The following CLCA4 variants were observed in gnomAD, a reference collection of about 807,000 sequenced individuals.
CLCA4 encodes calcium-activated chloride channel regulator 4.
In CLCA4, 69 loss-of-function variants were observed where a neutral mutation model predicts 78.9. The ratio of observed to expected loss-of-function variants is 0.87; its 90% CI spans 0.72 to 1.07. CLCA4 has a LOEUF of 1.07. CLCA4 is among the 50% of genes least tolerant of loss of function. CLCA4 has a pLI of 0.00. For missense variants in CLCA4, 1,133 were observed against 1,095.8 expected, an observed-to-expected ratio of 1.03 and a Z score of -0.48; for synonymous variants, 362 against 375.8, an observed-to-expected ratio of 0.96 and a Z score of 0.42.
chr1:86,552,090 C>A (rs1419288445), intron 1 of CLCA4, among the ~76,000 whole-genome samples: 1 of 151,962 alleles, frequency 6.6e-6, no homozygotes, highest in Non-Finnish European at 1.5e-5. Context: ...TGAAACACAC[C>A]AACTACAATT....
chr1:86,549,756 A>T (rs1649604104), intron 1 of CLCA4, among the ~76,000 whole-genome samples: 2 of 152,200 alleles, frequency 1.3e-5, no homozygotes, highest in African/African-American at 2.4e-5. Context: ...GAAGGGGAAG[A>T]CTGTAAGTGG....
At chr1:86,556,349 T>G (rs1307652396) in intron 1 of CLCA4, among the ~76,000 whole-genome samples, 2 of 152,244 alleles carry the variant, frequency 1.3e-5, no homozygotes, top group Non-Finnish European at 2.9e-5. Flanking sequence ...TTGTCATAGA[T>G]GGCTCTCATT....
chr1:86,551,771 C>T lies in CLCA4; in HGVS notation c.159+4493C>T, dbSNP rs1288101169. Among the ~76,000 whole-genome samples the T allele has an allele frequency of 2.6e-5, 4 of 152,198 alleles. No individual in the cohort carries two copies. The East Asian group carries it at 7.7e-4, about 29-fold the overall frequency. On this transcript the variant is annotated intron_variant, in intron 1 of 13. Transcript: ENST00000370563. ...CTGAAGACCAACTGGTGCCCGTGAT[C>T]TCCAAACAGACAAATATTTGACCTT... is the stretch of plus-strand genomic sequence containing the variant.
At chr1:86,552,726 A>AG in intron 1 of CLCA4, 1 of 1,417,930 alleles carries the variant, frequency 7.1e-7, no homozygotes. Context: ...AGCCCTTCAC[A>AG]GGGGCCCGGC....
At chr1:86,555,550 T>C (rs1649813657) in intron 1 of CLCA4, among the ~76,000 whole-genome samples, 2 of 152,148 alleles carry the variant, frequency 1.3e-5, no homozygotes, top group Non-Finnish European at 2.9e-5. Context: ...TTGTGTTCTG[T>C]TGGTCTAGGC....
At position 86,579,947 on chromosome 1, in the gene CLCA4, C is replaced by T. The variant is rs553556484; in HGVS notation, c.2362C>T (p.Arg788Cys). 4.5e-5 allele frequency: 71 copies of T among 1,574,024 alleles called. No homozygotes were observed. The highest frequency in any genetic ancestry group is 1.5e-4 in the African/African-American group (11 of 73,038). The stretch of plus-strand genomic sequence containing the variant: ...ATGTAACTTTTTTTTCTCAGTTCAA[C>T]GTTATATCATAAGAATAAGTGCAAG... ...GDNFDVGKVQRYIIRISASIL... is the reference protein window; with the variant it reads ...GDNFDVGKVQCYIIRISASIL... The change falls in exon 14 of 14, where the codon CGT becomes TGT. Residue 788 changes from arginine to cysteine, a missense_variant. Coordinates refer to ENST00000370563, the MANE Select transcript of CLCA4 (RefSeq NM_012128.4).
At chr1:86,571,894 A>G (rs912180948) in intron 8 of CLCA4, among the ~76,000 whole-genome samples, 10 of 152,088 alleles carry the variant, frequency 6.6e-5, no homozygotes, top group African/African-American at 2.4e-4. Context: ...TAGAGAATAT[A>G]TAATTTATGA....
In CLCA4 at chr1:86,577,893, T is replaced by G; in HGVS notation, c.1952-9T>G. The G allele has an allele frequency of 4.4e-6, 7 of 1,604,392 alleles. No homozygotes were observed. Among genetic ancestry groups the G allele is most frequent in the Non-Finnish European group, 6.0e-6 (7 of 1,176,010 alleles). On this transcript the variant is annotated splice_polypyrimidine_tract_variant and intron_variant, in intron 11 of 13. Transcript: ENST00000370563. The stretch of plus-strand genomic sequence containing the variant: ...TTACAAGACTTTATTCCTTCATTTC[T>G]ATAACAAGGCGCTGATTCTTTCAAG...
chr1:86,573,577 A>G (rs1286575480), intron 9 of CLCA4, among the ~76,000 whole-genome samples: 1 of 151,120 alleles, frequency 6.6e-6, no homozygotes, highest in Admixed American at 6.6e-5. Flanking sequence ...AACAATGAAA[A>G]GAACAGAAGT....
chr1:86,560,178 T>C, intron 2 of CLCA4, 33 bp from the exon 3 acceptor site: 2 of 1,578,568 alleles, frequency 1.3e-6, no homozygotes, highest in Non-Finnish European at 1.7e-6. Flanking sequence ...TTTTTTATTT[T>C]TGATGTTTGA....
At chr1:86,574,136 T>A (rs1400216698) in intron 9 of CLCA4, among the ~76,000 whole-genome samples, 1 of 152,078 alleles carries the variant, frequency 6.6e-6, no homozygotes, top group Non-Finnish European at 1.5e-5. Flanking sequence ...CTACATTTCC[T>A]CTCTTCTCAG....
chr1:86,549,810 C>T (rs892163134), intron 1 of CLCA4, among the ~76,000 whole-genome samples: 1 of 152,064 alleles, frequency 6.6e-6, no homozygotes, highest in African/African-American at 2.4e-5. Flanking sequence ...TTGGTTGGGG[C>T]TTTTGGAATT....
Position 86,580,513 on chromosome 1 carries a change from A to G in CLCA4, c.*168A>G, listed in dbSNP as rs1301145640. ...AAAAGGATACTTTGATTAAATAAAA[A>G]CACTCATGGATATGTAAAAACTGTC... On this transcript the variant is annotated 3_prime_UTR_variant, in exon 14 of 14. Transcript: ENST00000370563. 4.3e-6 allele frequency: 2 copies of G among 462,600 alleles called. No individual in the cohort carries two copies. The highest frequency in any genetic ancestry group is 3.7e-6 in the Non-Finnish European group (1 of 273,388). 28.7% of individuals were successfully genotyped at this position (462,600 alleles called of 1,614,324 possible).
intron 11 of CLCA4, among the ~76,000 whole-genome samples, chr1:86,575,911 T>C (rs915236089): frequency 1.1e-4 from 16 of 151,858 alleles, no homozygotes; most frequent in African/African-American, 3.9e-4. Context: ...GCAAACATGG[T>C]GAAACCCCTT....
Position 86,572,706 on chromosome 1 carries a change from C to T in CLCA4, c.1453C>T (p.Gln485Ter), listed in dbSNP as rs145223695. 1,146 of 1,588,544 alleles carry T rather than the reference C, an allele frequency of 7.2e-4. 6 individuals carry two copies. The highest frequency in any genetic ancestry group is 9.3e-4 in the Non-Finnish European group (1,081 of 1,157,096). The change falls in exon 9 of 14, where the codon CAG becomes TAG. Residue 485 changes from glutamine (Q) to a stop codon, truncating the protein, a stop_gained. Coordinates refer to ENST00000370563, the MANE Select transcript of CLCA4 (RefSeq NM_012128.4). LOFTEE classifies it high-confidence loss of function. ...TACATCAGGAAATACTGATCTCTCCCAGAAGTCCCTTCAGGTCAGAGTTCT... is the reference window on the plus strand; with the variant it reads ...TACATCAGGAAATACTGATCTCTCCTAGAAGTCCCTTCAGGTCAGAGTTCT... ...ALTSGNTDLS[Q>*]KSLQLESKGL... is the part of the protein sequence containing the mutation.
At chr1:86,566,645 T>A (rs1181891444) in intron 6 of CLCA4, among the ~76,000 whole-genome samples, 1 of 152,000 alleles carries the variant, frequency 6.6e-6, no homozygotes, top group Non-Finnish European at 1.5e-5. Context: ...ATGCAGATAG[T>A]GGAGACAGCA....
rs1650639517 is a variant in CLCA4, at chr1:86,579,487, A to G, written c.2256A>G (p.Gln752=). 1 of 1,613,182 alleles carries G rather than the reference A, an allele frequency of 6.2e-7. No homozygotes were observed. The highest frequency in any genetic ancestry group is 1.3e-5 in the African/African-American group (1 of 74,834). Residue 752 remains glutamine, a synonymous_variant, in exon 13 of 14, where the codon CAA becomes CAG. Transcript: ENST00000370563. The stretch of plus-strand genomic sequence containing the variant: ...TCCCAAGCCTTCCCTTGCCTGACCA[A>G]TACCCACCAAGTCAAATCACAGACC... ...SQVPSLPLPD[Q]YPPSQITDLD...
chr1:86,575,463 C>G lies in CLCA4; in HGVS notation c.1815C>G (p.Asn605Lys), dbSNP rs757336634. ...TVNAKMNKDV[N>K]SFPSPMIVYA... Reference sequence around the variant, plus strand: ...ATGCTAAAATGAATAAGGACGTAAACAGTTTCCCCAGCCCAATGATTGTTT... The same window carrying G: ...ATGCTAAAATGAATAAGGACGTAAAGAGTTTCCCCAGCCCAATGATTGTTT... The change falls in exon 11 of 14, where the codon AAC becomes AAG. Residue 605 changes from asparagine (N) to lysine (K), a missense_variant. By Grantham distance (94) the Asn-to-Lys change is moderately conservative. Transcript: ENST00000370563. 2.5e-6 allele frequency: 4 copies of G among 1,613,526 alleles called. No homozygotes were observed. The highest frequency in any genetic ancestry group is 3.4e-6 in the Non-Finnish European group (4 of 1,179,646).
rs150826966 is a variant in CLCA4, at chr1:86,570,641, G to A, written c.1183-436G>A. Among the ~76,000 whole-genome samples, 55 of 152,114 alleles carry A rather than the reference G, an allele frequency of 3.6e-4. No homozygotes were observed. The East Asian group carries it at 0.01, about 28-fold the overall frequency. On this transcript the variant is annotated intron_variant, in intron 7 of 13. Coordinates refer to ENST00000370563, the MANE Select transcript of CLCA4 (RefSeq NM_012128.4). The stretch of plus-strand genomic sequence containing the variant: ...GTAATCACTGACTTTTTCAAATGTT[G>A]AAGTGGATTCTTAATGCATCTAGCT...
Sources: gnomAD v4.1 joint callset for allele counts (sites outside exome capture counted in the v4.1 genomes callset) on GRCh38, gnomAD v4.1.1 for gene constraint, MANE v1.5 for transcripts, NCBI Gene and HGNC (gene_info 2026-07-23, HGNC 2026-07-21) for gene names.